Variants in THOC2 observed in about 807,000 individuals in gnomAD.
THOC2 encodes THO complex 2.
In THOC2, 10 loss-of-function variants were observed where a neutral mutation model predicts 128.4. The ratio of observed to expected loss-of-function variants is 0.08; its 90% CI spans 0.05 to 0.13. The LOEUF (loss-of-function observed/expected upper bound fraction) is 0.13. Among genes scored for constraint, THOC2 ranks in the 10% least tolerant of loss-of-function variants. The probability of loss-of-function intolerance (pLI) is 1.00; values close to 1 mark genes in which losing one functional copy is unlikely to be tolerated. For synonymous variants in THOC2, 393 were observed against 396.9 expected, an observed-to-expected ratio of 0.99 and a Z score of 0.12; for missense variants, 535 against 1,155.7, an observed-to-expected ratio of 0.46 and a Z score of 7.79.
intron 18 of THOC2, among the ~76,000 whole-genome samples, chrX:123,636,923 AG>A (rs976254125): frequency 2.7e-5 from 3 of 112,259 alleles, no homozygotes; most frequent in Admixed American, 9.5e-5. Context: ...GATGAGCAAA[AG>A]GCTCCATGGG....
At chrX:123,636,765 A>T (rs2047688418) in intron 18 of THOC2, among the ~76,000 whole-genome samples, 1 of 111,932 alleles carries the variant, frequency 8.9e-6, no homozygotes, top group East Asian at 2.8e-4. Flanking sequence ...AGCCAATACA[A>T]GAGTAGGAGA....
intron 1 of THOC2, among the ~76,000 whole-genome samples, chrX:123,726,484 G>A (rs1236789849): frequency 9.5e-6 from 1 of 105,611 alleles, no homozygotes; most frequent in Non-Finnish European, 1.9e-5. Context: ...CTGCACTCCA[G>A]CCTGGGCAAC....
intron 4 of THOC2, among the ~76,000 whole-genome samples, chrX:123,699,604 C>T: frequency 9.0e-6 from 1 of 110,666 alleles, no homozygotes; most frequent in South Asian, 3.9e-4. Context: ...TTTTACCCAA[C>T]ATGTATCTAT....
chrX:123,703,399 A>G, intron 4 of THOC2, 55 bp downstream of exon 4: 1 of 774,191 alleles, frequency 1.3e-6, no homozygotes, highest in Non-Finnish European at 1.9e-6. Context: ...TTATTTAACA[A>G]ACATTTGATT....
intron 8 of THOC2, among the ~76,000 whole-genome samples, chrX:123,683,134 G>A (rs2049856517): frequency 9.0e-6 from 1 of 111,118 alleles, no homozygotes; most frequent in Non-Finnish European, 1.9e-5. Flanking sequence ...CATACTGGTT[G>A]AGCATCCCAA....
chrX:123,621,082 C>A, intron 31 of THOC2, 75 bp downstream of exon 31: 1 of 1,174,226 alleles, frequency 8.5e-7, no homozygotes, highest in Non-Finnish European at 1.1e-6. Flanking sequence ...TATAACTTAC[C>A]AAAACAAGGA....
At chrX:123,715,345 GC>G in intron 1 of THOC2, among the ~76,000 whole-genome samples, 1 of 110,241 alleles carries the variant, frequency 9.1e-6, no homozygotes, top group South Asian at 3.9e-4. Flanking sequence ...GCCTATAAAT[GC>G]CTTTTTCTTT....
Position 123,614,042 on chromosome X carries a change from T to A in THOC2, c.4449+10A>T, listed in dbSNP as rs191054518. 112 of 1,193,145 alleles carry A rather than the reference T, an allele frequency of 9.4e-5. 1 individual carries two copies. The South Asian group carries it at 1.7e-3, about 18-fold the overall frequency. On this transcript the variant is annotated intron_variant, in intron 34 of 38. Transcript: ENST00000245838. ...GCTTTCCAAACTAGTTTAAAAAAAA[T>A]TTTACAAACCCTTTTCCGCTCTTTC...
chrX:123,621,009 G>C (rs1255333907), intron 31 of THOC2, 44 bp from the exon 32 acceptor site: 5 of 1,191,081 alleles, frequency 4.2e-6, no homozygotes, highest in Middle Eastern at 2.4e-4. Flanking sequence ...TACATTTCTA[G>C]TTTTCCAAAC....
intron 36 of THOC2, among the ~76,000 whole-genome samples, chrX:123,612,172 G>A (rs2046724620): frequency 2.7e-5 from 3 of 111,160 alleles, no homozygotes; most frequent in Non-Finnish European, 5.7e-5. Flanking sequence ...CCATTCTTGG[G>A]CATATATCCA....
chrX:123,632,305 C>A (rs931128229), intron 21 of THOC2, among the ~76,000 whole-genome samples: 1 of 109,085 alleles, frequency 9.2e-6, no homozygotes, highest in African/African-American at 3.3e-5. Flanking sequence ...CTGGGCAACA[C>A]GGCAGAGGCC....
chrX:123,681,002 T>C (rs1394376407), intron 8 of THOC2, among the ~76,000 whole-genome samples: 1 of 110,391 alleles, frequency 9.1e-6, no homozygotes, highest in Non-Finnish European at 1.9e-5. Flanking sequence ...CAGACACACA[T>C]GTACACACCC....
chrX:123,670,019 TATC>T lies in THOC2; in HGVS notation c.861+1647_861+1649del, dbSNP rs779064864. Among the ~76,000 whole-genome samples the T allele has an allele frequency of 4.6e-3, 519 of 112,357 alleles. 2 individuals carry two copies. The highest frequency in any genetic ancestry group is 0.016 in the African/African-American group (488 of 30,945). On this transcript the variant is annotated intron_variant, in intron 9 of 38. Coordinates refer to ENST00000245838, the MANE Select transcript of THOC2 (RefSeq NM_001081550.2). ...ATGCAATCATAATGAGTAATAAATC[TATC>T]ATCAATTTGTACTTTCCACATATGC...
At chrX:123,729,896 C>G (rs1236335570) in intron 1 of THOC2, among the ~76,000 whole-genome samples, 1 of 112,042 alleles carries the variant, frequency 8.9e-6, no homozygotes, top group Admixed American at 9.5e-5. Context: ...ACAAAAACTC[C>G]AAAGACATGC....
Position 123,733,014 on chromosome X carries a change from G to A in THOC2, c.9C>T (p.Ala3=), listed in dbSNP as rs2052346160. MA[A]AAVVVPAEWI... ...ACTCTGCGGGAACCACCACAGCCGCGGCCGCCATCTTCCTCTCACTAGTAG... is the reference window on the plus strand; with the variant it reads ...ACTCTGCGGGAACCACCACAGCCGCAGCCGCCATCTTCCTCTCACTAGTAG... The change falls in exon 1 of 39, where the codon GCC becomes GCT. Residue 3 remains alanine (A), a synonymous_variant. Coordinates refer to ENST00000245838, the MANE Select transcript of THOC2 (RefSeq NM_001081550.2). 8.3e-7 allele frequency: 1 copy of A among 1,211,437 alleles called. No homozygotes were observed. The highest frequency in any genetic ancestry group is 1.1e-6 in the Non-Finnish European group (1 of 895,203).
intron 12 of THOC2, among the ~76,000 whole-genome samples, chrX:123,657,974 TG>T (rs2048674154): frequency 1.2e-4 from 13 of 108,006 alleles, no homozygotes; most frequent in Admixed American, 7.9e-4. Flanking sequence ...TGTGTGTGTG[TG>T]TGTGTGTGTG....
intron 12 of THOC2, among the ~76,000 whole-genome samples, chrX:123,661,897 C>T (rs898848454): frequency 1.8e-5 from 2 of 111,246 alleles, no homozygotes; most frequent in Admixed American, 9.6e-5. Context: ...GCTGCTGAGG[C>T]GGGAAGATCC....
chrX:123,721,079 A>G (rs1374189472), intron 1 of THOC2, among the ~76,000 whole-genome samples: 3 of 111,671 alleles, frequency 2.7e-5, no homozygotes, highest in Non-Finnish European at 5.6e-5. Flanking sequence ...TTTTTACCAC[A>G]GTAAAAAAGT....
chrX:123,717,399 T>C (rs1439673615), intron 1 of THOC2, among the ~76,000 whole-genome samples: 3 of 110,432 alleles, frequency 2.7e-5, no homozygotes, highest in African/African-American at 9.8e-5. Flanking sequence ...ATTGCAAGAA[T>C]GGCAAAAAGA....
Sources: allele counts gnomAD v4.1 joint callset (sites outside exome capture counted in the v4.1 genomes callset), GRCh38; gene constraint gnomAD v4.1.1; transcripts MANE v1.5; gene names NCBI Gene and HGNC (gene_info 2026-07-23, HGNC 2026-07-21).